The following CREG2 variants were observed in gnomAD, a reference collection of about 807,000 sequenced individuals.
The protein encoded by CREG2 is protein CREG2.
A neutral mutation model predicts 26.2 loss-of-function variants in CREG2; 24 were observed. That is an observed-to-expected ratio of 0.92 (90% CI 0.66 to 1.29). The LOEUF (loss-of-function observed/expected upper bound fraction) is 1.29, where lower values mean the gene tolerates loss of function less well. CREG2 is among the 50% of genes most tolerant of loss of function. The probability of loss-of-function intolerance (pLI) is 0.00; values close to 1 mark genes in which losing one functional copy is unlikely to be tolerated. For missense variants in CREG2, 366 were observed against 398.6 expected, an observed-to-expected ratio of 0.92 and a Z score of 0.70; for synonymous variants, 174 against 169.2, an observed-to-expected ratio of 1.03 and a Z score of -0.22.
intron 2 of CREG2, among the ~76,000 whole-genome samples, chr2:101,372,692 A>G (rs1166259286): frequency 1.3e-5 from 2 of 152,244 alleles, no homozygotes; most frequent in East Asian, 1.9e-4. Context: ...TCCAAGACAA[A>G]AGAAGAGAAA....
intron 1 of CREG2, among the ~76,000 whole-genome samples, 182 bp from the exon 2 acceptor site, chr2:101,383,884 C>T (rs557550012): frequency 4.6e-5 from 7 of 152,292 alleles, no homozygotes; most frequent in East Asian, 1.9e-4. Context: ...CAATTCACTC[C>T]GTGGTGGCTC....
intron 2 of CREG2, among the ~76,000 whole-genome samples, chr2:101,370,074 C>A (rs1684680895): frequency 6.6e-6 from 1 of 152,140 alleles, no homozygotes; most frequent in Non-Finnish European, 1.5e-5. Context: ...GAGTGAATCC[C>A]AGCCCTATGA....
intron 2 of CREG2, among the ~76,000 whole-genome samples, chr2:101,379,789 C>G (rs1049044776): frequency 3.9e-5 from 6 of 152,176 alleles, no homozygotes; most frequent in Non-Finnish European, 8.8e-5. Flanking sequence ...TGAAGGGCCT[C>G]CTAGGCCATA....
At position 101,380,942 on chromosome 2, in the gene CREG2, C is replaced by CAA. The variant is rs563988407; in HGVS notation, c.611+2589_611+2590dup. On this transcript the variant is annotated intron_variant, in intron 2 of 3. Transcript: ENST00000324768. The stretch of plus-strand genomic sequence containing the variant: ...CTGATGACAGAGTGAGACTCCATCT[C>CAA]AAAAAAAAAAATGCTGTTGCAAGTT... Among the ~76,000 whole-genome samples, 195 of 147,654 alleles carry CAA rather than the reference C, an allele frequency of 1.3e-3. 4 individuals are homozygous for CAA. The South Asian group carries it at 0.027, about 21-fold the overall frequency.
chr2:101,372,391 A>G (rs993062040), intron 2 of CREG2, among the ~76,000 whole-genome samples: 4 of 152,362 alleles, frequency 2.6e-5, no homozygotes, highest in African/African-American at 9.6e-5. Context: ...GCTTAATTGA[A>G]TTGAGTTTAT....
intron 2 of CREG2, among the ~76,000 whole-genome samples, chr2:101,369,731 G>C (rs777587574): frequency 6.6e-6 from 1 of 151,820 alleles, no homozygotes; most frequent in Non-Finnish European, 1.5e-5. Context: ...ATATTTATCC[G>C]TGACGGTGTT....
At chr2:101,355,393 A>G (rs1360344616) in intron 2 of CREG2, 27 bp from the exon 3 acceptor site, 2 of 1,453,548 alleles carry the variant, frequency 1.4e-6, no homozygotes, top group Non-Finnish European at 1.9e-6. Context: ...TTTTTTGTAT[A>G]TCAGAACAAG....
At chr2:101,367,638 C>T (rs908100202) in intron 2 of CREG2, among the ~76,000 whole-genome samples, 19 of 152,134 alleles carry the variant, frequency 1.2e-4, no homozygotes, top group Admixed American at 9.8e-4. Flanking sequence ...TCCTAATCCC[C>T]GGAATGTGTG....
Position 101,387,314 on chromosome 2 carries a change from C to T in CREG2, c.144G>A (p.Glu48=). 1 of 1,494,998 alleles carries T rather than the reference C, an allele frequency of 6.7e-7. No individual in the cohort carries two copies. The highest frequency in any genetic ancestry group is 2.8e-5 in the East Asian group (1 of 35,906). 92.6% of individuals were successfully genotyped at this position (1,494,998 alleles called of 1,614,324 possible). A position where few individuals can be genotyped will look rare whatever the true frequency, so the allele number is the denominator to read the frequency against. ...VSWAVTNEVD[E]ELDSASTEEA... Reference sequence around the variant, plus strand: ...CCTCAGTGGAGGCGCTGTCCAGCTCCTCGTCCACCTCGTTGGTGACGGCCC... The same window carrying T: ...CCTCAGTGGAGGCGCTGTCCAGCTCTTCGTCCACCTCGTTGGTGACGGCCC... The change falls in exon 1 of 4, where the codon GAG becomes GAA. Residue 48 remains glutamate, a synonymous_variant. Coordinates refer to ENST00000324768, the MANE Select transcript of CREG2 (RefSeq NM_153836.4). The surrounding 1 kb of genome is among the most constrained non-coding windows in gnomAD (Gnocchi z 4.7).
chr2:101,375,969 G>GTTTCAGC (rs1243346687), intron 2 of CREG2: 1 of 180,974 alleles, frequency 5.5e-6, no homozygotes, highest in African/African-American at 2.4e-5. Context: ...CCTGTCGGCA[G>GTTTCAGC]TTTCAGCTTT....
rs767343134 is a variant in CREG2, at chr2:101,350,445, C to T, written c.*478G>A. 1 of 154,490 alleles carries T rather than the reference C, an allele frequency of 6.5e-6. No individual in the cohort carries two copies. Among genetic ancestry groups the T allele is most frequent in the African/African-American group, 2.4e-5 (1 of 41,460 alleles). The allele number at this position is 154,490 out of a possible 1,614,324, so 9.6% of individuals were successfully genotyped here. A position where few individuals can be genotyped will look rare whatever the true frequency, so the allele number is the denominator to read the frequency against. ...CGGACACACAGTCCTCCACCCTCAC[C>T]CTAAAAACAATATTGTGACTGCGTG... is the stretch of plus-strand genomic sequence containing the variant. On this transcript the variant is annotated 3_prime_UTR_variant, in exon 4 of 4. Transcript: ENST00000324768.
intron 2 of CREG2, among the ~76,000 whole-genome samples, chr2:101,357,546 C>G (rs1226241959): frequency 6.6e-6 from 1 of 152,124 alleles, no homozygotes; most frequent in African/African-American, 2.4e-5. Context: ...TGAGGCAGCA[C>G]AATGATAATA....
intron 2 of CREG2, among the ~76,000 whole-genome samples, chr2:101,373,668 G>A (rs1684746472): frequency 6.6e-6 from 1 of 152,200 alleles, no homozygotes; most frequent in South Asian, 2.1e-4. Context: ...ACAATCATTA[G>A]TGAATTCATG....
chr2:101,386,911 G>C, intron 1 of CREG2, 106 bp downstream of exon 1: 1 of 1,132,004 alleles, frequency 8.8e-7, no homozygotes, highest in Non-Finnish European at 1.1e-6. Flanking sequence ...GGCACGTCTG[G>C]TGGACCCGGA....
chr2:101,375,857 T>A (rs934702932), intron 2 of CREG2: 7 of 154,330 alleles, frequency 4.5e-5, no homozygotes, highest in African/African-American at 1.7e-4. Flanking sequence ...CAAGGGCCTA[T>A]GCTGCGGCTG....
At chr2:101,364,758 G>A (rs1018335473) in intron 2 of CREG2, among the ~76,000 whole-genome samples, 1 of 152,158 alleles carries the variant, frequency 6.6e-6, no homozygotes, top group Non-Finnish European at 1.5e-5. Context: ...GAACAGAGGA[G>A]GTGGAAGCAG....
chr2:101,356,850 G>A (rs1684469143), intron 2 of CREG2, among the ~76,000 whole-genome samples: 1 of 152,048 alleles, frequency 6.6e-6, no homozygotes, highest in African/African-American at 2.4e-5. Flanking sequence ...TGTTTCCACT[G>A]TAAAGGTCAC....
intron 1 of CREG2, 82 bp downstream of exon 1, chr2:101,386,935 C>T (rs1684977042): frequency 8.3e-7 from 1 of 1,204,236 alleles, no homozygotes; most frequent in Middle Eastern, 3.2e-4. Context: ...CAGTCCCGAG[C>T]GGTCGCGAGC....
At chr2:101,384,608 TG>T (rs1358150107) in intron 1 of CREG2, among the ~76,000 whole-genome samples, 1 of 152,180 alleles carries the variant, frequency 6.6e-6, no homozygotes, top group Admixed American at 6.5e-5. Flanking sequence ...CAACTGGGCA[TG>T]GGGACTCACC....
Sources: allele counts gnomAD v4.1 joint callset (sites outside exome capture counted in the v4.1 genomes callset), GRCh38; gene constraint gnomAD v4.1.1; non-coding constraint Gnocchi (gnomAD v3.1); transcripts MANE v1.5; gene names NCBI Gene and HGNC (gene_info 2026-07-23, HGNC 2026-07-21).